Variants in SCN4A observed in about 807,000 individuals in gnomAD.
The protein encoded by SCN4A is sodium voltage-gated channel alpha subunit 4.
SCN4A carries 83 observed loss-of-function variants against 162.0 expected under a neutral mutation model. The ratio of observed to expected loss-of-function variants is 0.51; its 90% CI spans 0.43 to 0.61. The LOEUF (loss-of-function observed/expected upper bound fraction) is 0.61, where lower values mean the gene tolerates loss of function less well. Among genes scored for constraint, SCN4A ranks in the 20% least tolerant of loss-of-function variants. The pLI is 0.00. For missense variants in SCN4A, 2,196 were observed against 2,462.5 expected (o/e 0.89, Z 2.29); for synonymous variants, 944 against 985.1 (o/e 0.96, Z 0.78).
At chr17:63,966,408 T>C in intron 7 of SCN4A, 73 bp downstream of exon 7, 5 of 1,454,828 alleles carry the variant, frequency 3.4e-6, no homozygotes, top group Non-Finnish European at 4.8e-6. Flanking sequence ...GCCCCCCAGG[T>C]CCTCATCTCT....
rs774364108 is a variant in SCN4A at position 63,942,898 on chromosome 17, C to T, written c.4216G>A (p.Ala1406Thr). The change falls in exon 23 of 24, where the codon GCC becomes ACC. Residue 1406 changes from alanine to threonine, a missense_variant. Coordinates refer to ENST00000435607, the MANE Select transcript of SCN4A (RefSeq NM_000334.4). ...ACGGTGAAGTAGTACTGGCGCAGGG[C>T]GAGCATCTTGAGCACGCACTCCCCT... ...FTGECVLKML[A>T]LRQYYFTVGW... 1.3e-5 allele frequency: 21 copies of T among 1,613,888 alleles called. No individual in the cohort carries two copies. Among genetic ancestry groups the T allele is most frequent in the Admixed American group, 3.3e-5 (2 of 60,010 alleles).
intron 22 of SCN4A, 73 bp downstream of exon 22, chr17:63,943,673 C>T (rs538237346): frequency 1.0e-6 from 1 of 966,978 alleles, no homozygotes; most frequent in Non-Finnish European, 1.6e-6. Context: ...AGGCAGGAAA[C>T]CTTTTACCCC....
chr17:63,970,568 A>T (rs1489119666), intron 5 of SCN4A, among the ~76,000 whole-genome samples: 2 of 152,088 alleles, frequency 1.3e-5, no homozygotes, highest in Admixed American at 1.3e-4. Context: ...GGCTCAAACT[A>T]TCCTCCCGCC....
At chr17:63,947,782 G>T in intron 17 of SCN4A, 108 bp downstream of exon 17, 1 of 1,075,190 alleles carries the variant, frequency 9.3e-7, no homozygotes, top group Non-Finnish European at 1.3e-6. Flanking sequence ...GTCTGACTCT[G>T]GGGGTGGCCT....
At position 63,941,249 on chromosome 17, in the gene SCN4A, TC is replaced by T; in HGVS notation, c.5032del (p.Asp1678ThrfsTer6). On this transcript the variant is annotated frameshift_variant, in exon 24 of 24. Transcript: ENST00000435607. LOFTEE classifies it low-confidence loss of function (END_TRUNC). This position sits in a 1 kb window ranked among gnomAD's most constrained non-coding sequence, Gnocchi z 6.2. ...MVPGDKIHCL[D>X]ILFALTKEVL... Reference sequence around the variant, plus strand: ...CTCTTTGGTCAGGGCAAAGAGGATGTCCAGGCAGTGGATCTTGTCCCCTGGC... The same window carrying T: ...CTCTTTGGTCAGGGCAAAGAGGATGTCAGGCAGTGGATCTTGTCCCCTGGC... 6.2e-7 allele frequency: 1 copy of T among 1,613,806 alleles called. No individual in the cohort carries two copies. Among genetic ancestry groups the T allele is most frequent in the Non-Finnish European group, 8.5e-7 (1 of 1,179,844 alleles).
intron 13 of SCN4A, among the ~76,000 whole-genome samples, chr17:63,954,867 C>A (rs1909022966): frequency 6.6e-6 from 1 of 152,152 alleles, no homozygotes; most frequent in South Asian, 2.1e-4. Flanking sequence ...AGAAGCAGGG[C>A]CTGTACTGGT....
intron 14 of SCN4A, 119 bp from the exon 15 acceptor site, chr17:63,949,647 T>C: frequency 8.5e-7 from 1 of 1,183,154 alleles, no homozygotes; most frequent in Non-Finnish European, 1.2e-6. Flanking sequence ...AGGAGCAAAC[T>C]CATCCATTCA....
rs747419763 is a variant in SCN4A, at chr17:63,957,124, C to A, written c.2376+38G>T. On this transcript the variant is annotated intron_variant, in intron 13 of 23. Transcript: ENST00000435607. ...TATCAGGTACATCTTGTACGCTTCC[C>A]GGGTGAGGGCAGGGGCCACCCAGCC... is the stretch of plus-strand genomic sequence containing the variant. 2.9e-6 allele frequency: 4 copies of A among 1,382,998 alleles called. No homozygotes were observed. The East Asian group carries it at 6.9e-5, about 24-fold the overall frequency. 85.7% of individuals were successfully genotyped at this position (1,382,998 alleles called of 1,614,324 possible). A position where few individuals can be genotyped will look rare whatever the true frequency, so the allele number is the denominator to read the frequency against.
intron 11 of SCN4A, 23 bp downstream of exon 11, chr17:63,961,170 T>TG: frequency 3.0e-6 from 3 of 1,016,008 alleles, no homozygotes; most frequent in Non-Finnish European, 3.0e-6. Flanking sequence ...CCATGAATGA[T>TG]CCCCTCCCCC....
chr17:63,968,162 C>T lies in SCN4A; in HGVS notation c.897G>A (p.Thr299=), dbSNP rs553636410. The T allele has an allele frequency of 1.2e-5, 19 of 1,613,844 alleles. No individual in the cohort carries two copies. Among genetic ancestry groups the T allele is most frequent in the East Asian group, 4.5e-5 (2 of 44,896 alleles). Residue 299 remains threonine (T), a synonymous_variant, in exon 6 of 24, where the codon ACG becomes ACA. Transcript: ENST00000435607. ...CATACCATGTGTCATTGCCGTACCA[C>T]GTGTCATTGCTGTACCACGTGGTGT... is the stretch of plus-strand genomic sequence containing the variant. ...DTNTTWYSND[T]WYGNDTWYGN...
rs1908553663 is a variant in SCN4A at position 63,941,981 on chromosome 17, G to T, written c.4301C>A (p.Ser1434Tyr). Residue 1434 changes from serine (S) to tyrosine (Y), a missense_variant, in exon 24 of 24, where the codon TCT becomes TAT. Physicochemically the swap from Ser to Tyr is moderately radical, Grantham distance 144 (BLOSUM62 -2). Coordinates refer to ENST00000435607, the MANE Select transcript of SCN4A (RefSeq NM_000334.4). The surrounding 1 kb of genome is among the most constrained non-coding windows in gnomAD (Gnocchi z 6.2). ...CACGAAGTACTTCTGGATCAGGTCA[G>T]AGAGGGCAAGGCCTGCGGGGAGAAG... ...VILSIVGLALSDLIQKYFVSP... is the reference protein window; with the variant it reads ...VILSIVGLALYDLIQKYFVSP... 1 of 1,575,960 alleles carries T rather than the reference G, an allele frequency of 6.3e-7. No homozygotes were observed.
chr17:63,941,965 C>A lies in SCN4A; in HGVS notation c.4317G>T (p.Lys1439Asn). Reference protein sequence around the residue: ...VGLALSDLIQKYFVSPTLFRV... With the variant: ...VGLALSDLIQNYFVSPTLFRV... ...GGAACAGCGTGGGTGACACGAAGTA[C>A]TTCTGGATCAGGTCAGAGAGGGCAA... The change falls in exon 24 of 24, where the codon AAG becomes AAT. Residue 1439 changes from lysine (K) to asparagine (N), a missense_variant. Transcript: ENST00000435607. This position sits in a 1 kb window ranked among gnomAD's most constrained non-coding sequence, Gnocchi z 6.2. The A allele has an allele frequency of 6.3e-7, 1 of 1,590,162 alleles. No individual in the cohort carries two copies. The highest frequency in any genetic ancestry group is 8.6e-7 in the Non-Finnish European group (1 of 1,165,274).
Position 63,951,631 on chromosome 17 carries a change from C to A in SCN4A, c.2646G>T (p.Pro882=). ...ETAPEDEKKE[P]PEEDLKKDNH... ...TGTCCTTCTTCAGGTCCTCCTCGGG[C>A]GGCTCCTTCTTCTCATCCTCGGGGG... Residue 882 remains proline, a synonymous_variant, in exon 14 of 24, where the codon CCG becomes CCT. Transcript: ENST00000435607. The surrounding 1 kb of genome is among the most constrained non-coding windows in gnomAD (Gnocchi z 4.5). 1 of 1,612,572 alleles carries A rather than the reference C, an allele frequency of 6.2e-7. No homozygotes were observed. Among genetic ancestry groups the A allele is most frequent in the Non-Finnish European group, 8.5e-7 (1 of 1,179,264 alleles).
rs1379376895 is a variant in SCN4A, at chr17:63,946,476, C to CG, written c.3441+568_3441+569insC. Among the ~76,000 whole-genome samples, 572 of 128,158 alleles carry CG rather than the reference C, an allele frequency of 4.5e-3. 7 individuals are homozygous for CG. The highest frequency in any genetic ancestry group is 6.2e-3 in the South Asian group (24 of 3,858). 84.1% of individuals were successfully genotyped at this position (128,158 alleles called of 152,430 possible). On this transcript the variant is annotated intron_variant, in intron 18 of 23. Transcript: ENST00000435607. ...CCATTTTTCTTGCCCCCCCCCCCACCCCGCCGCAACCCTGTGTTTACCTGC... is the reference window on the plus strand; with the variant it reads ...CCATTTTTCTTGCCCCCCCCCCCACCGCCGCCGCAACCCTGTGTTTACCTGC...
At chr17:63,967,820 C>G (rs907488413) in intron 6 of SCN4A, among the ~76,000 whole-genome samples, 1 of 151,832 alleles carries the variant, frequency 6.6e-6, no homozygotes, top group African/African-American at 2.4e-5. Flanking sequence ...GTAATCCTAG[C>G]TACTCGGGAG....
At position 63,949,481 on chromosome 17, in the gene SCN4A, T is replaced by G. The variant is rs376450396; in HGVS notation, c.2901A>C (p.Thr967=). 1.2e-6 allele frequency: 2 copies of G among 1,612,668 alleles called. No individual in the cohort carries two copies. The highest frequency in any genetic ancestry group is 2.7e-5 in the African/African-American group (2 of 74,912). ...LYDGNSSVCS[T]ADYKPPEEDP... ...CCTCCTCGGGGGGCTTGTAGTCAGC[T>G]GTGCTGCAGACGGACGAGTTCCCAT... The change falls in exon 15 of 24, where the codon ACA becomes ACC. Residue 967 remains threonine (T), a synonymous_variant. Transcript: ENST00000435607.
intron 22 of SCN4A, among the ~76,000 whole-genome samples, chr17:63,943,479 T>C (rs763548257): frequency 6.5e-4 from 99 of 151,980 alleles, no homozygotes; most frequent in Non-Finnish European, 1.3e-3. Flanking sequence ...GGGAGGTAGG[T>C]GGGCACTGAG....
At chr17:63,971,449 G>C (rs904474957) in intron 4 of SCN4A, among the ~76,000 whole-genome samples, 196 bp from the exon 5 acceptor site, 2 of 152,170 alleles carry the variant, frequency 1.3e-5, no homozygotes, top group African/African-American at 4.8e-5. Context: ...GGAGCTCTGG[G>C]GGAGTGGGGA....
rs570311095 is a variant in SCN4A at position 63,971,273 on chromosome 17, G to A, written c.612-20C>T. The A allele has an allele frequency of 1.4e-6, 2 of 1,410,426 alleles. No individual in the cohort carries two copies. The highest frequency in any genetic ancestry group is 2.0e-5 in the Admixed American group (1 of 50,946). 87.4% of individuals were successfully genotyped at this position (1,410,426 alleles called of 1,614,324 possible). A position where few individuals can be genotyped will look rare whatever the true frequency, so the allele number is the denominator to read the frequency against. On this transcript the variant is annotated intron_variant, in intron 4 of 23. Coordinates refer to ENST00000435607, the MANE Select transcript of SCN4A (RefSeq NM_000334.4). ...AGGTACCTGGGTAGGGGGTGGAGGG[G>A]GGTGGGGACTGTCAGAGCCTGGGGT...
Sources: gnomAD v4.1 joint callset for allele counts (sites outside exome capture counted in the v4.1 genomes callset) on GRCh38, gnomAD v4.1.1 for gene constraint, Gnocchi (gnomAD v3.1) non-coding constraint, MANE v1.5 for transcripts, NCBI Gene and HGNC (gene_info 2026-07-23, HGNC 2026-07-21) for gene names.